SPRED2: variants seen among roughly 807,000 people sequenced by gnomAD.
SPRED2 encodes sprouty related EVH1 domain containing 2.
A neutral mutation model predicts 43.0 loss-of-function variants in SPRED2; 47 were observed. That is an observed-to-expected ratio of 1.09 (90% CI 0.87 to 1.40). The LOEUF is 1.40. Among genes scored for constraint, SPRED2 ranks in the 40% most tolerant of loss-of-function variants. The pLI is 0.00. For synonymous variants in SPRED2, 225 were observed against 225.7 expected (o/e 1.00, Z 0.03); for missense variants, 561 against 586.4 (o/e 0.96, Z 0.45).
intron 5 of SPRED2, among the ~76,000 whole-genome samples, chr2:65,314,954 CAGACCAAG>C (rs1402607639): frequency 6.6e-6 from 1 of 152,140 alleles, no homozygotes; most frequent in Non-Finnish European, 1.5e-5. Context: ...AGTGAGTGGC[CAGACCAAG>C]AGCCACACCC....
At position 65,350,844 on chromosome 2, in the gene SPRED2, G is replaced by A. The variant is rs538205635; in HGVS notation, c.27-5948C>T. ...AAGGAAGTGTAGGAGATGACGGCGA[G>A]GCAGCACTGGGTCTCACAAAGAATG... On this transcript the variant is annotated intron_variant, in intron 1 of 5. Transcript: ENST00000356388. Among the ~76,000 whole-genome samples, 12 of 152,364 alleles carry A rather than the reference G, an allele frequency of 7.9e-5. No individual in the cohort carries two copies. In the East Asian group the frequency reaches 2.1e-3, roughly 27 times the overall value.
chr2:65,361,793 C>T (rs771267116), intron 1 of SPRED2, among the ~76,000 whole-genome samples: 11 of 152,180 alleles, frequency 7.2e-5, no homozygotes, highest in Non-Finnish European at 1.2e-4. Flanking sequence ...AACACATGCC[C>T]ACCCACAGAC....
At chr2:65,422,109 C>G (rs899340939) in intron 1 of SPRED2, among the ~76,000 whole-genome samples, 1 of 74,212 alleles carries the variant, frequency 1.3e-5, no homozygotes, top group Non-Finnish European at 3.0e-5. Flanking sequence ...CACACACTCT[C>G]TCTCTCTCTC....
At chr2:65,320,808 A>G (rs1423042538) in intron 4 of SPRED2, among the ~76,000 whole-genome samples, 1 of 152,100 alleles carries the variant, frequency 6.6e-6, no homozygotes, top group East Asian at 1.9e-4. Context: ...GGCAAAGGGG[A>G]AAAAAAATCT....
chr2:65,311,232 A>G lies in SPRED2; in HGVS notation c.*2269T>C, dbSNP rs935100804. On this transcript the variant is annotated 3_prime_UTR_variant, in exon 6 of 6. Coordinates refer to ENST00000356388, the MANE Select transcript of SPRED2 (RefSeq NM_181784.3). The stretch of plus-strand genomic sequence containing the variant: ...AAAGCTGACTGGGAAAATACTACAC[A>G]CTGTTCAGCTGCAGTGTGGCAATTA... 9.1e-6 allele frequency: 9 copies of G among 985,702 alleles called. No individual in the cohort carries two copies. Among genetic ancestry groups the G allele is most frequent in the African/African-American group, 3.5e-5 (2 of 57,216 alleles). The allele number at this position is 985,702 out of a possible 1,614,324, so 61.1% of individuals were successfully genotyped here. A position where few individuals can be genotyped will look rare whatever the true frequency, so the allele number is the denominator to read the frequency against.
intron 2 of SPRED2, among the ~76,000 whole-genome samples, chr2:65,335,673 T>G (rs899919707): frequency 2.6e-5 from 4 of 152,222 alleles, no homozygotes; most frequent in Non-Finnish European, 5.9e-5. Flanking sequence ...AACAGTTTCA[T>G]GTGTATTAGT....
Position 65,311,043 on chromosome 2 carries a change from A to G in SPRED2, c.*2458T>C, listed in dbSNP as rs1401891224. 1.0e-6 allele frequency: 1 copy of G among 985,410 alleles called. No individual in the cohort carries two copies. The highest frequency in any genetic ancestry group is 1.1e-4 in the East Asian group (1 of 8,830). 61.0% of individuals were successfully genotyped at this position (985,410 alleles called of 1,614,324 possible). The stretch of plus-strand genomic sequence containing the variant: ...CAACAGGGTTTTTAGTATACAGGTA[A>G]AGAATGAATTATGCTTCAGGCACTT... On this transcript the variant is annotated 3_prime_UTR_variant, in exon 6 of 6. Transcript: ENST00000356388.
At chr2:65,378,906 C>T (rs1238542150) in intron 1 of SPRED2, among the ~76,000 whole-genome samples, 1 of 152,168 alleles carries the variant, frequency 6.6e-6, no homozygotes, top group Non-Finnish European at 1.5e-5. Context: ...CTCTGAGAAC[C>T]TAACATACCA....
At chr2:65,398,861 C>T (rs913760866) in intron 1 of SPRED2, among the ~76,000 whole-genome samples, 1 of 139,122 alleles carries the variant, frequency 7.2e-6, no homozygotes, top group Admixed American at 7.7e-5. Flanking sequence ...AGCAATCCCA[C>T]TACTGGGAAA....
chr2:65,431,782 G>C (rs1018557270), intron 1 of SPRED2, among the ~76,000 whole-genome samples, 180 bp downstream of exon 1: 6 of 152,200 alleles, frequency 3.9e-5, no homozygotes, highest in African/African-American at 1.4e-4. Context: ...GCCCGCAGCA[G>C]TTTTTGCCCT....
In SPRED2 at chr2:65,313,828, C is replaced by T. The variant is rs763266421; in HGVS notation, c.930G>A (p.Val310=). The T allele has an allele frequency of 5.0e-6, 8 of 1,613,152 alleles. No homozygotes were observed. Among genetic ancestry groups the T allele is most frequent in the Non-Finnish European group, 6.8e-6 (8 of 1,180,026 alleles). ...RKEDGERSRC[V]YCRDMFNHEE... ...CGTGGTTGAACATGTCCCTGCAGTA[C>T]ACGCACCGCGAGCGCTCTCCGTCCT... The change falls in exon 6 of 6, where the codon GTG becomes GTA. Residue 310 remains valine, a synonymous_variant. Coordinates refer to ENST00000356388, the MANE Select transcript of SPRED2 (RefSeq NM_181784.3).
At chr2:65,392,715 A>G (rs1456284246) in intron 1 of SPRED2, among the ~76,000 whole-genome samples, 2 of 152,240 alleles carry the variant, frequency 1.3e-5, no homozygotes, top group African/African-American at 4.8e-5. Flanking sequence ...GATACAAACT[A>G]GGGATTTGCA....
chr2:65,314,257 C>A (rs1572827844), intron 5 of SPRED2, 88 bp from the exon 6 acceptor site: 2 of 1,297,026 alleles, frequency 1.5e-6, no homozygotes, highest in Non-Finnish European at 2.1e-6. Context: ...CCTCCCTAGC[C>A]GTCCAAAATG....
chr2:65,400,878 C>T (rs35839181), intron 1 of SPRED2, among the ~76,000 whole-genome samples: 16,770 of 152,166 alleles, frequency 0.11, 1,378 homozygotes, highest in Non-Finnish European at 0.16. Context: ...TAAATTCACA[C>T]GCTGGCCTTC....
chr2:65,335,787 C>T (rs1453813873), intron 2 of SPRED2, among the ~76,000 whole-genome samples: 1 of 152,128 alleles, frequency 6.6e-6, no homozygotes, highest in Non-Finnish European at 1.5e-5. Context: ...AGAAAAGAAA[C>T]ATTGCAATAA....
At position 65,432,516 on chromosome 2, in the gene SPRED2, A is replaced by G. The variant is rs1306041792; in HGVS notation, c.-529T>C. On this transcript the variant is annotated 5_prime_UTR_variant, in exon 1 of 6. Coordinates refer to ENST00000356388, the MANE Select transcript of SPRED2 (RefSeq NM_181784.3). The stretch of plus-strand genomic sequence containing the variant: ...TCTCGACTCCACCGATTTACTCCAT[A>G]TTGGATTCTCACCGCCGCCAACAGG... 1 of 152,514 alleles carries G rather than the reference A, an allele frequency of 6.6e-6. No homozygotes were observed. The highest frequency in any genetic ancestry group is 2.4e-5 in the African/African-American group (1 of 41,318). The allele number at this position is 152,514 out of a possible 1,614,324, so 9.4% of individuals were successfully genotyped here.
chr2:65,424,912 AAAACAAAC>A (rs149016857), intron 1 of SPRED2, among the ~76,000 whole-genome samples: 3 of 151,980 alleles, frequency 2.0e-5, no homozygotes, highest in Admixed American at 1.3e-4. Flanking sequence ...GTCTGTTTCA[AAAACAAAC>A]AAACAAACAA....
chr2:65,405,792 T>C (rs1392015845), intron 1 of SPRED2, among the ~76,000 whole-genome samples: 1 of 152,226 alleles, frequency 6.6e-6, no homozygotes, highest in South Asian at 2.1e-4. Context: ...CAGCTACATC[T>C]GAGCTCCTCC....
chr2:65,431,411 C>T (rs991594349), intron 1 of SPRED2, among the ~76,000 whole-genome samples: 4 of 151,768 alleles, frequency 2.6e-5, no homozygotes, highest in Non-Finnish European at 4.4e-5. Context: ...GCGCACCAGA[C>T]CCCCGCGCAG....
Sources: allele counts gnomAD v4.1 joint callset (sites outside exome capture counted in the v4.1 genomes callset), GRCh38; gene constraint gnomAD v4.1.1; transcripts MANE v1.5; gene names NCBI Gene and HGNC (gene_info 2026-07-23, HGNC 2026-07-21).